The following CNTN5 variants were observed in gnomAD, a reference collection of about 807,000 sequenced individuals.
The protein encoded by CNTN5 is contactin-5.
A neutral mutation model predicts 129.1 loss-of-function variants in CNTN5; 77 were observed. That is an observed-to-expected ratio of 0.60 (90% CI 0.50 to 0.72). The LOEUF (loss-of-function observed/expected upper bound fraction) is 0.72. Ranked by LOEUF, CNTN5 falls within the 30% of genes least tolerant of loss-of-function variation. The probability of loss-of-function intolerance (pLI) is 0.00; values close to 1 mark genes in which losing one functional copy is unlikely to be tolerated. For synonymous variants in CNTN5, 509 were observed against 465.6 expected (o/e 1.09, Z -1.20); for missense variants, 1,478 against 1,328.8 (o/e 1.11, Z -1.75).
chr11:99,610,327 T>C (rs1002781286), intron 3 of CNTN5, among the ~76,000 whole-genome samples: 50 of 152,148 alleles, frequency 3.3e-4, no homozygotes, highest in African/African-American at 1.2e-3. Flanking sequence ...ATGCATCATA[T>C]TCTATCTGGT....
intron 16 of CNTN5, among the ~76,000 whole-genome samples, chr11:100,229,013 CA>C (rs1405782855): frequency 5.3e-5 from 8 of 152,128 alleles, no homozygotes; most frequent in African/African-American, 1.9e-4. Flanking sequence ...CCCGAACTTG[CA>C]AGTTCGCAGA....
At chr11:99,424,614 A>C (rs1378759345) in intron 2 of CNTN5, among the ~76,000 whole-genome samples, 1 of 152,236 alleles carries the variant, frequency 6.6e-6, no homozygotes, top group Non-Finnish European at 1.5e-5. Flanking sequence ...CACTGTGAGC[A>C]CTGGGGAACA....
At chr11:99,987,330 T>A (rs1053114956) in intron 8 of CNTN5, among the ~76,000 whole-genome samples, 1 of 151,874 alleles carries the variant, frequency 6.6e-6, no homozygotes, top group African/African-American at 2.4e-5. Flanking sequence ...GCCATTAGAT[T>A]GAATAATTGA....
chr11:99,219,893 T>C (rs745634), intron 1 of CNTN5, among the ~76,000 whole-genome samples: 110,849 of 151,728 alleles, frequency 0.73, 40,850 homozygotes, highest in East Asian at 0.99. Flanking sequence ...CATCTCTGCC[T>C]TATTGAAATA....
intron 3 of CNTN5, among the ~76,000 whole-genome samples, chr11:99,586,851 A>G (rs1949808981): frequency 6.6e-6 from 1 of 152,208 alleles, no homozygotes; most frequent in African/African-American, 2.4e-5. Context: ...TAACATAGTC[A>G]CCAAAATAAA....
In CNTN5 at chr11:99,983,740, AG is replaced by A. The variant is rs1355732576; in HGVS notation, c.878-18293del. On this transcript the variant is annotated intron_variant, in intron 8 of 24. Coordinates refer to ENST00000524871, the MANE Select transcript of CNTN5 (RefSeq NM_014361.4). ...TTGGAAAAGCAGTTTTATTATGATG[AG>A]TGGGTAGGGTTAAGAAGAATACAGT... 8.5e-5 allele frequency among the ~76,000 whole-genome samples: 13 copies of A among 152,254 alleles called. 1 individual carries two copies. The highest frequency in any genetic ancestry group is 3.1e-4 in the African/African-American group (13 of 41,532).
chr11:99,069,406 T>C lies in CNTN5; in HGVS notation c.-210+48136T>C, dbSNP rs184701830. Among the ~76,000 whole-genome samples, 543 of 152,224 alleles carry C rather than the reference T, an allele frequency of 3.6e-3. 5 individuals are homozygous for C. Among genetic ancestry groups the C allele is most frequent in the African/African-American group, 0.012 (512 of 41,552 alleles). On this transcript the variant is annotated intron_variant, in intron 1 of 24. Transcript: ENST00000524871. ...AGTTTGTAAATCAAGGTAAAAAATA[T>C]ACCCTGCTTCAATTTTTCCTCGAAG... is the stretch of plus-strand genomic sequence containing the variant.
rs140433225 is a variant in CNTN5 at position 99,958,012 on chromosome 11, T to C, written c.877+1003T>C. On this transcript the variant is annotated intron_variant, in intron 8 of 24. Transcript: ENST00000524871. Reference sequence around the variant, plus strand: ...GAGATACACAGTATTATATAAAATATATATAATAGTAACAACACCATCAGG... The same window carrying C: ...GAGATACACAGTATTATATAAAATACATATAATAGTAACAACACCATCAGG... Among the ~76,000 whole-genome samples the C allele has an allele frequency of 1.0e-3, 152 of 151,988 alleles. 2 individuals carry two copies. In the East Asian group the frequency reaches 0.027, roughly 27 times the overall value.
At chr11:99,383,064 C>A (rs1235875640) in intron 2 of CNTN5, among the ~76,000 whole-genome samples, 2 of 149,598 alleles carry the variant, frequency 1.3e-5, no homozygotes, top group Non-Finnish European at 3.0e-5. Flanking sequence ...ACCATATTGG[C>A]CAGCCTGGTC....
chr11:99,790,555 C>G (rs1419083303), intron 3 of CNTN5, among the ~76,000 whole-genome samples: 1 of 152,082 alleles, frequency 6.6e-6, no homozygotes, highest in Non-Finnish European at 1.5e-5. Context: ...ATCACATTTT[C>G]TTTACCCAGT....
At chr11:99,908,398 AT>A (rs1390942616) in intron 6 of CNTN5, among the ~76,000 whole-genome samples, 1 of 152,010 alleles carries the variant, frequency 6.6e-6, no homozygotes, top group Non-Finnish European at 1.5e-5. Flanking sequence ...ATCATAATGG[AT>A]TTGTAGTACT....
At chr11:99,148,646 T>C (rs1036772961) in intron 1 of CNTN5, among the ~76,000 whole-genome samples, 17 of 152,324 alleles carry the variant, frequency 1.1e-4, no homozygotes, top group Admixed American at 5.9e-4. Flanking sequence ...AAGATTATAC[T>C]CTTAAGTTAG....
chr11:99,457,603 C>T (rs1379304541), intron 2 of CNTN5, among the ~76,000 whole-genome samples: 2 of 151,746 alleles, frequency 1.3e-5, no homozygotes, highest in East Asian at 3.9e-4. Context: ...AAATTTTTAA[C>T]AGGAATTTTG....
At chr11:99,643,828 T>G (rs569056912) in intron 3 of CNTN5, among the ~76,000 whole-genome samples, 29 of 135,970 alleles carry the variant, frequency 2.1e-4, no homozygotes, top group South Asian at 2.6e-4. Flanking sequence ...TTCCTATGTT[T>G]AAATTCTTAT....
intron 20 of CNTN5, among the ~76,000 whole-genome samples, chr11:100,306,163 G>A (rs1951344773): frequency 6.6e-6 from 1 of 151,562 alleles, no homozygotes; most frequent in African/African-American, 2.4e-5. Context: ...TCCCCAAAAT[G>A]CAAATGTGAA....
chr11:99,703,229 T>G (rs1210414078), intron 3 of CNTN5, among the ~76,000 whole-genome samples: 1 of 102,912 alleles, frequency 9.7e-6, no homozygotes, highest in South Asian at 2.7e-4. Flanking sequence ...TATTTGGGGT[T>G]TTTTTTTTTT....
chr11:99,533,292 G>C (rs1024722214), intron 2 of CNTN5, among the ~76,000 whole-genome samples: 3 of 152,146 alleles, frequency 2.0e-5, no homozygotes, highest in African/African-American at 7.2e-5. Flanking sequence ...TGGATAAATG[G>C]CTGCCATCCT....
chr11:99,729,470 C>T (rs1431313707), intron 3 of CNTN5, among the ~76,000 whole-genome samples: 1 of 152,082 alleles, frequency 6.6e-6, no homozygotes, highest in African/African-American at 2.4e-5. Flanking sequence ...CTCAAGTAGG[C>T]CCCAGTGTCT....
intron 2 of CNTN5, among the ~76,000 whole-genome samples, chr11:99,398,310 T>C (rs1387337413): frequency 6.6e-6 from 1 of 152,032 alleles, no homozygotes; most frequent in Non-Finnish European, 1.5e-5. Context: ...GAATTTATTC[T>C]ATACATTTGT....
Sources: allele counts gnomAD v4.1 joint callset (sites outside exome capture counted in the v4.1 genomes callset), GRCh38; gene constraint gnomAD v4.1.1; transcripts MANE v1.5; gene names NCBI Gene and HGNC (gene_info 2026-07-23, HGNC 2026-07-21).